The following BCL11B variants were observed in gnomAD, a reference collection of about 807,000 sequenced individuals.
BCL11B encodes the protein B-cell lymphoma/leukemia 11B.
In BCL11B, 8 loss-of-function variants were observed where a neutral mutation model predicts 49.9. The observed-to-expected ratio is 0.16, with a 90% CI of 0.09 to 0.29. The LOEUF is 0.29. Among genes scored for constraint, BCL11B ranks in the 10% least tolerant of loss-of-function variants. The pLI, the probability that BCL11B is intolerant of heterozygous loss-of-function variation, is 1.00. For missense variants in BCL11B, 1,006 were observed against 1,351.0 expected, an observed-to-expected ratio of 0.74 and a Z score of 4.00; for synonymous variants, 739 against 637.4, an observed-to-expected ratio of 1.16 and a Z score of -2.40.
chr14:99,238,994 T>C (rs3933088), intron 2 of BCL11B, among the ~76,000 whole-genome samples: 49,840 of 151,994 alleles, frequency 0.33, 9,146 homozygotes, highest in Non-Finnish European at 0.43. Context: ...CATATACATA[T>C]GCATGTGCAC....
intron 3 of BCL11B, among the ~76,000 whole-genome samples, chr14:99,203,833 C>T (rs1887455836): frequency 1.3e-5 from 2 of 152,050 alleles, no homozygotes; most frequent in East Asian, 1.9e-4. Context: ...GGCTGGGGGC[C>T]GGGGGAGCGC....
At chr14:99,268,362 T>C (rs1488029292) in intron 1 of BCL11B, among the ~76,000 whole-genome samples, 1 of 151,962 alleles carries the variant, frequency 6.6e-6, no homozygotes, top group Non-Finnish European at 1.5e-5. Flanking sequence ...TTATTTGCAG[T>C]TGCATCATCC....
intron 1 of BCL11B, among the ~76,000 whole-genome samples, chr14:99,263,428 C>T (rs1823001211): frequency 1.3e-5 from 2 of 152,216 alleles, no homozygotes. Context: ...CAGGGTCCCG[C>T]TGACTCCGCC....
intron 1 of BCL11B, among the ~76,000 whole-genome samples, chr14:99,259,020 T>C (rs989627377): frequency 2.6e-5 from 4 of 151,890 alleles, no homozygotes; most frequent in African/African-American, 9.7e-5. Context: ...GTGTCATAAA[T>C]AAAGAGAAGT....
intron 3 of BCL11B, among the ~76,000 whole-genome samples, chr14:99,210,940 C>T (rs1887670256): frequency 1.3e-5 from 2 of 152,168 alleles, no homozygotes; most frequent in African/African-American, 4.8e-5. Flanking sequence ...GATCAATAGA[C>T]ACCTTCCCCT....
At chr14:99,212,575 G>A (rs184670174) in intron 3 of BCL11B, among the ~76,000 whole-genome samples, 25 of 152,288 alleles carry the variant, frequency 1.6e-4, no homozygotes, top group African/African-American at 6.0e-4. Flanking sequence ...CAGCCAGGGA[G>A]ACAGGAAAGG....
intron 3 of BCL11B, among the ~76,000 whole-genome samples, chr14:99,193,983 G>T (rs992421586): frequency 1.3e-5 from 2 of 152,122 alleles, no homozygotes; most frequent in African/African-American, 2.4e-5. Flanking sequence ...CATTTTATTG[G>T]CCCCAATGCT....
rs574712701 is a variant in BCL11B at position 99,194,739 on chromosome 14, T to C, written c.641-18544A>G. 6.0e-4 allele frequency among the ~76,000 whole-genome samples: 92 copies of C among 152,280 alleles called. No individual in the cohort carries two copies. The highest frequency in any genetic ancestry group is 1.0e-3 in the Non-Finnish European group (71 of 68,008). ...GAAGTGAAGGAGCTGGGACCCAGGC[T>C]TGGATGACTTGGCTCAAAAGCAGTC... On this transcript the variant is annotated intron_variant, in intron 3 of 3. Transcript: ENST00000357195. This position sits in a 1 kb window ranked among gnomAD's most constrained non-coding sequence, Gnocchi z 4.6.
Position 99,184,413 on chromosome 14 carries a change from C to T in BCL11B, c.641-8218G>A, listed in dbSNP as rs756295638. ...GTGTTCAGCATGGCTACAGCCTGCA[C>T]GTGCCAATGTTGGCCTTTTGCTGTC... On this transcript the variant is annotated intron_variant, in intron 3 of 3. Transcript: ENST00000357195. This position sits in a 1 kb window ranked among gnomAD's most constrained non-coding sequence, Gnocchi z 6.1. 2.6e-5 allele frequency among the ~76,000 whole-genome samples: 4 copies of T among 152,228 alleles called. No individual in the cohort carries two copies. The highest frequency in any genetic ancestry group is 4.4e-5 in the Non-Finnish European group (3 of 68,040).
At chr14:99,217,385 G>GACACACACACATACAGAC (rs1555380369) in intron 3 of BCL11B, among the ~76,000 whole-genome samples, 1 of 131,018 alleles carries the variant, frequency 7.6e-6, no homozygotes, top group African/African-American at 2.7e-5. Context: ...CACACATACA[G>GACACACACACATACAGAC]ACACACACAC....
intron 3 of BCL11B, among the ~76,000 whole-genome samples, chr14:99,176,484 G>C (rs1886537455): frequency 6.6e-6 from 1 of 152,238 alleles, no homozygotes; most frequent in South Asian, 2.1e-4. Flanking sequence ...AAGGGATTCT[G>C]ATCTCCATTA....
At chr14:99,210,938 G>A (rs536758162) in intron 3 of BCL11B, among the ~76,000 whole-genome samples, 1 of 152,212 alleles carries the variant, frequency 6.6e-6, no homozygotes, top group East Asian at 1.9e-4. Context: ...AAGATCAATA[G>A]ACACCTTCCC....
At chr14:99,185,175 G>A (rs1231393460) in intron 3 of BCL11B, among the ~76,000 whole-genome samples, 1 of 152,134 alleles carries the variant, frequency 6.6e-6, no homozygotes, top group African/African-American at 2.4e-5. Flanking sequence ...GGTGGCTCAC[G>A]CCTGGAATCC....
chr14:99,174,127 T>G lies in BCL11B; in HGVS notation c.*24A>C, dbSNP rs1886384522. The G allele has an allele frequency of 1.9e-6, 3 of 1,603,280 alleles. No individual in the cohort carries two copies. Among genetic ancestry groups the G allele is most frequent in the African/African-American group, 2.7e-5 (2 of 74,964 alleles). On this transcript the variant is annotated 3_prime_UTR_variant, in exon 4 of 4. Coordinates refer to ENST00000357195, the MANE Select transcript of BCL11B (RefSeq NM_138576.4). ...GTTGGCAACGGTTCCACTGTACAGG[T>G]GCGGGGCGCCGGGGCCCGCGCGCTT... is the stretch of plus-strand genomic sequence containing the variant.
At chr14:99,196,371 A>C (rs1277926930) in intron 3 of BCL11B, among the ~76,000 whole-genome samples, 1 of 152,086 alleles carries the variant, frequency 6.6e-6, no homozygotes, top group Non-Finnish European at 1.5e-5. Flanking sequence ...GGACCTGAAA[A>C]AAACAGGGGC....
chr14:99,221,501 T>C (rs1271350516), intron 3 of BCL11B, among the ~76,000 whole-genome samples: 2 of 152,236 alleles, frequency 1.3e-5, no homozygotes, highest in Admixed American at 1.3e-4. Flanking sequence ...GCTGGCCCAG[T>C]GGCAGCTCTG....
intron 3 of BCL11B, among the ~76,000 whole-genome samples, chr14:99,188,808 C>A (rs1886938126): frequency 2.0e-5 from 3 of 152,226 alleles, no homozygotes; most frequent in Admixed American, 2.0e-4. Flanking sequence ...GGTGGCGCTG[C>A]GGCTCCCGCG....
At chr14:99,196,194 C>G (rs907302239) in intron 3 of BCL11B, among the ~76,000 whole-genome samples, 2 of 152,174 alleles carry the variant, frequency 1.3e-5, no homozygotes, top group Non-Finnish European at 2.9e-5. Context: ...TGCTGCCCCC[C>G]AGCCCACGTC....
rs397972707 is a variant in BCL11B, at chr14:99,171,610, AT to A, written c.*2540del. 3,812 of 188,756 alleles carry A rather than the reference AT, an allele frequency of 0.02. 54 individuals are homozygous for A. The highest frequency in any genetic ancestry group is 0.052 in the African/African-American group (2,205 of 42,356). 11.7% of individuals were successfully genotyped at this position (188,756 alleles called of 1,614,324 possible). ...AAAATAAGTACAGGTCAGAAATGTG[AT>A]TTTTTTTTTTTCTGCAAAGCAATAA... On this transcript the variant is annotated 3_prime_UTR_variant, in exon 4 of 4. Coordinates refer to ENST00000357195, the MANE Select transcript of BCL11B (RefSeq NM_138576.4).
Sources: allele counts gnomAD v4.1 joint callset (sites outside exome capture counted in the v4.1 genomes callset), GRCh38; gene constraint gnomAD v4.1.1; non-coding constraint Gnocchi (gnomAD v3.1); transcripts MANE v1.5; gene names NCBI Gene and HGNC (gene_info 2026-07-23, HGNC 2026-07-21).